XKRX: variants seen among roughly 807,000 people sequenced by gnomAD.
XKRX encodes the protein XK related X-linked.
In XKRX, 11 loss-of-function variants were observed where a neutral mutation model predicts 22.4. The observed-to-expected ratio is 0.49, with a 90% CI of 0.31 to 0.81. The LOEUF is 0.81. Among genes scored for constraint, XKRX ranks in the 40% least tolerant of loss-of-function variants. The probability of loss-of-function intolerance (pLI) is 0.05; values close to 1 mark genes in which losing one functional copy is unlikely to be tolerated. For synonymous variants in XKRX, 114 were observed against 132.2 expected (o/e 0.86, Z 0.94); for missense variants, 320 against 336.5 (o/e 0.95, Z 0.38).
chrX:100,904,795 G>A, the XKRX span, among the ~76,000 whole-genome samples: 9 of 112,111 alleles, frequency 8.0e-5, no homozygotes, highest in African/African-American at 2.9e-4. Flanking sequence ...AAAATCAAGT[G>A]AGGCAGGTAG....
chrX:100,950,076 G>A, the XKRX span, among the ~76,000 whole-genome samples: 1 of 111,994 alleles, frequency 8.9e-6, no homozygotes, highest in East Asian at 2.8e-4. Flanking sequence ...ATGTGAACAA[G>A]AGAGAAAACA....
At chrX:100,911,406 G>A (rs1199866382), downstream of XKRX, 5 of 799,757 alleles carry the variant, frequency 6.3e-6, no homozygotes, top group South Asian at 6.2e-5. Flanking sequence ...GTGACGCAAA[G>A]AGGCAAAGTT....
chrX:100,890,711 G>C, the XKRX span, among the ~76,000 whole-genome samples: 1 of 111,144 alleles, frequency 9.0e-6, no homozygotes, highest in Admixed American at 9.6e-5. Flanking sequence ...GGGACATCTG[G>C]CAAGCTGGCT....
At chrX:100,893,585 G>A in the XKRX span, among the ~76,000 whole-genome samples, 9 of 112,299 alleles carry the variant, frequency 8.0e-5, no homozygotes, top group Non-Finnish European at 1.3e-4. Flanking sequence ...ACAGTTGATT[G>A]GATAAAGAAA....
At chrX:100,956,202 G>A in the XKRX span, among the ~76,000 whole-genome samples, 3 of 111,148 alleles carry the variant, frequency 2.7e-5, no homozygotes, top group Admixed American at 2.9e-4. Flanking sequence ...GGCACATGTG[G>A]GAGGAGGTGG....
At chrX:100,899,537 G>A in the XKRX span, among the ~76,000 whole-genome samples, 2 of 112,184 alleles carry the variant, frequency 1.8e-5, no homozygotes, top group African/African-American at 3.2e-5. Context: ...GAGAAATTGA[G>A]AAAGCCCATT....
At chrX:100,890,448 T>A in the XKRX span, among the ~76,000 whole-genome samples, 1 of 108,445 alleles carries the variant, frequency 9.2e-6, no homozygotes, top group Admixed American at 9.8e-5. Context: ...TTAAAAGCAA[T>A]GACGAAAACT....
At chrX:100,909,521 C>T (rs757795353), downstream of XKRX, among the ~76,000 whole-genome samples, 1 of 112,296 alleles carries the variant, frequency 8.9e-6, no homozygotes, top group Non-Finnish European at 1.9e-5. Flanking sequence ...CTTGGACAGG[C>T]CTCTTAACCT....
At chrX:100,912,025 T>C (rs1466549601), downstream of XKRX, among the ~76,000 whole-genome samples, 1 of 111,804 alleles carries the variant, frequency 8.9e-6, no homozygotes. Flanking sequence ...ATTGACTTCC[T>C]TAGATCAGTA....
At chrX:100,927,483 T>G (rs1049934204) in intron 1 of XKRX, among the ~76,000 whole-genome samples, 2 of 111,142 alleles carry the variant, frequency 1.8e-5, no homozygotes, top group Admixed American at 1.9e-4. Context: ...ATAAAAATTT[T>G]TTTTTAATTA....
upstream of XKRX, among the ~76,000 whole-genome samples, chrX:100,932,967 C>A (rs1195298957): frequency 9.0e-6 from 1 of 110,513 alleles, no homozygotes; most frequent in Non-Finnish European, 1.9e-5. Context: ...GAGTTTGAGA[C>A]CAACCTGGGC....
At chrX:100,952,094 T>C in the XKRX span, among the ~76,000 whole-genome samples, 1 of 110,244 alleles carries the variant, frequency 9.1e-6, no homozygotes, top group Non-Finnish European at 1.9e-5. Context: ...ATAATAATAA[T>C]AATAATTATA....
At chrX:100,938,965 T>C in the XKRX span, among the ~76,000 whole-genome samples, 2 of 112,154 alleles carry the variant, frequency 1.8e-5, no homozygotes, top group Non-Finnish European at 3.8e-5. Flanking sequence ...CTGCAGTAAT[T>C]ATGAAATACT....
chrX:100,911,022 T>C, downstream of XKRX: 2 of 561,004 alleles, frequency 3.6e-6, no homozygotes, highest in South Asian at 2.3e-5. Context: ...CTTTCCAATA[T>C]GATTAAACAG....
chrX:100,919,484 A>T (rs2085461254), intron 2 of XKRX, among the ~76,000 whole-genome samples: 1 of 110,948 alleles, frequency 9.0e-6, no homozygotes, highest in Admixed American at 9.6e-5. Context: ...CAAGCAAAAA[A>T]TTATACAAAT....
At chrX:100,927,864 A>G (rs1412347140) in intron 1 of XKRX, 106 bp downstream of exon 1, 6 of 970,537 alleles carry the variant, frequency 6.2e-6, no homozygotes, top group Non-Finnish European at 8.3e-6. Flanking sequence ...AGGAAATGAG[A>G]GAATTGATTA....
At chrX:100,957,329 G>T in the XKRX span, 13 of 1,115,200 alleles carry the variant, frequency 1.2e-5, no homozygotes, top group African/African-American at 1.6e-4. Context: ...ACCTCATTGT[G>T]ATTTGGACTC....
rs768193899 is a variant in XKRX at position 100,926,731 on chromosome X, G to A, written c.335+1239C>T. On this transcript the variant is annotated intron_variant, in intron 1 of 2. Transcript: ENST00000372956. ...GACTGTTGACACAGGTGCCTATCTC[G>A]CTAGGATTAAGTGCATTCTTTCCAC... Among the ~76,000 whole-genome samples, 7 of 111,813 alleles carry A rather than the reference G, an allele frequency of 6.3e-5. No individual in the cohort carries two copies. The South Asian group carries it at 1.5e-3, about 24-fold the overall frequency.
the XKRX span, among the ~76,000 whole-genome samples, chrX:100,934,883 T>C: frequency 8.9e-6 from 1 of 111,931 alleles, no homozygotes; most frequent in Non-Finnish European, 1.9e-5. Flanking sequence ...ACAATTTTTA[T>C]CTGTCTTTTT....
Sources: allele counts gnomAD v4.1 joint callset (sites outside exome capture counted in the v4.1 genomes callset), GRCh38; gene constraint gnomAD v4.1.1; transcripts MANE v1.5; gene names NCBI Gene and HGNC (gene_info 2026-07-23, HGNC 2026-07-21).